GRIK1: variants seen among roughly 807,000 people sequenced by gnomAD.
GRIK1 encodes the protein glutamate receptor ionotropic, kainate 1.
GRIK1 carries 69 observed loss-of-function variants against 105.7 expected under a neutral mutation model. The ratio of observed to expected loss-of-function variants is 0.65; its 90% CI spans 0.54 to 0.80. The LOEUF is 0.80. Among genes scored for constraint, GRIK1 ranks in the 30% least tolerant of loss-of-function variants. The pLI, the probability that GRIK1 is intolerant of heterozygous loss-of-function variation, is 0.00. For missense variants in GRIK1, 1,109 were observed against 1,167.3 expected (o/e 0.95, Z 0.73); for synonymous variants, 438 against 431.3 (o/e 1.02, Z -0.19).
At chr21:29,777,091 A>G (rs940430123) in intron 1 of GRIK1, among the ~76,000 whole-genome samples, 2 of 152,158 alleles carry the variant, frequency 1.3e-5, no homozygotes, top group Non-Finnish European at 2.9e-5. Context: ...AGTAACAAGA[A>G]TCCAATTCTC....
At chr21:29,637,682 A>C (rs888028456) in intron 7 of GRIK1, among the ~76,000 whole-genome samples, 5 of 152,156 alleles carry the variant, frequency 3.3e-5, no homozygotes, top group African/African-American at 1.2e-4. Context: ...TTCTGCTAGC[A>C]CCTTGATAGT....
chr21:29,678,245 G>A (rs2063310132), intron 3 of GRIK1, among the ~76,000 whole-genome samples: 2 of 152,066 alleles, frequency 1.3e-5, no homozygotes, highest in Admixed American at 6.6e-5. Flanking sequence ...CCTCCAGAGC[G>A]GAGGAAAAAT....
intron 4 of GRIK1, among the ~76,000 whole-genome samples, chr21:29,665,120 C>G (rs1430655708): frequency 6.6e-6 from 1 of 152,106 alleles, no homozygotes; most frequent in Non-Finnish European, 1.5e-5. Flanking sequence ...TTCTCGCTTC[C>G]CAATTCAGGT....
chr21:29,537,519 A>G, intron 17 of GRIK1, 134 bp from the exon 18 acceptor site: 11 of 716,766 alleles, frequency 1.5e-5, no homozygotes, highest in Non-Finnish European at 2.6e-5. Context: ...GCCAGTTCCC[A>G]TCACCTCCTC....
intron 1 of GRIK1, among the ~76,000 whole-genome samples, chr21:29,850,824 GTAAC>G (rs1289605674): frequency 2.6e-5 from 4 of 152,108 alleles, no homozygotes; most frequent in South Asian, 2.1e-4. Context: ...CTACTACAAG[GTAAC>G]TAACAAGTAA....
chr21:29,618,176 G>C lies in GRIK1; in HGVS notation c.1099-19239C>G, dbSNP rs1601284654. Among the ~76,000 whole-genome samples the C allele has an allele frequency of 2.0e-5, 3 of 152,228 alleles. No individual in the cohort carries two copies. In the East Asian group the frequency reaches 5.8e-4, roughly 29 times the overall value. On this transcript the variant is annotated intron_variant, in intron 7 of 17. Transcript: ENST00000327783. ...CTTCCTAGGGTTCCCATAGTTTCCT[G>C]CAATTATCCCTATTAATGTACACAT...
At chr21:29,815,881 C>G (rs989799694) in intron 1 of GRIK1, among the ~76,000 whole-genome samples, 1 of 152,076 alleles carries the variant, frequency 6.6e-6, no homozygotes, top group African/African-American at 2.4e-5. Flanking sequence ...ATCCAGGACA[C>G]TGGTCTAGGC....
intron 1 of GRIK1, among the ~76,000 whole-genome samples, chr21:29,835,784 T>A (rs887897843): frequency 4.6e-5 from 7 of 152,182 alleles, no homozygotes; most frequent in African/African-American, 1.7e-4. Context: ...TAATGATTAT[T>A]TCCTCTATTT....
At chr21:29,631,612 G>T (rs2062273941) in intron 7 of GRIK1, among the ~76,000 whole-genome samples, 1 of 152,192 alleles carries the variant, frequency 6.6e-6, no homozygotes. Context: ...GCTGGAGGTG[G>T]CTGTTGAGCA....
In GRIK1 at chr21:29,899,017, C is replaced by T. The variant is rs1480406469; in HGVS notation, c.118+40366G>A. On this transcript the variant is annotated intron_variant, in intron 1 of 17. Transcript: ENST00000327783. Reference sequence around the variant, plus strand: ...AACATCTACTTATATAATCTAATGGCTTTTTTCATATTCTTATTGTAATAC... The same window carrying T: ...AACATCTACTTATATAATCTAATGGTTTTTTTCATATTCTTATTGTAATAC... Among the ~76,000 whole-genome samples, 3 of 152,038 alleles carry T rather than the reference C, an allele frequency of 2.0e-5. No individual in the cohort carries two copies. In the East Asian group the frequency reaches 5.8e-4, roughly 29 times the overall value.
In GRIK1 at chr21:29,598,949, A is replaced by G; in HGVS notation, c.1099-12T>C. 3.3e-6 allele frequency: 4 copies of G among 1,230,756 alleles called. No individual in the cohort carries two copies. In the South Asian group the frequency reaches 5.2e-5, roughly 16 times the overall value. The allele number at this position is 1,230,756 out of a possible 1,614,324, so 76.2% of individuals were successfully genotyped here. A position where few individuals can be genotyped will look rare whatever the true frequency, so the allele number is the denominator to read the frequency against. Reference sequence around the variant, plus strand: ...CCATCCCACCGGGCCTGTGGACAAGAAGAAATGTGGCTGTTATTGTTAAAC... The same window carrying G: ...CCATCCCACCGGGCCTGTGGACAAGGAGAAATGTGGCTGTTATTGTTAAAC... On this transcript the variant is annotated splice_polypyrimidine_tract_variant and intron_variant, in intron 7 of 17. Coordinates refer to ENST00000327783, the MANE Select transcript of GRIK1 (RefSeq NM_001330994.2).
intron 15 of GRIK1, among the ~76,000 whole-genome samples, chr21:29,560,347 C>CTTTCTTTT (rs2090383154): frequency 4.1e-5 from 4 of 97,922 alleles, no homozygotes; most frequent in East Asian, 2.7e-4. Context: ...TTCTTTCTTT[C>CTTTCTTTT]TTTCTTTCTT....
intron 1 of GRIK1, among the ~76,000 whole-genome samples, chr21:29,927,250 TTATC>T (rs1348461417): frequency 7.9e-5 from 12 of 151,820 alleles, no homozygotes; most frequent in Non-Finnish European, 1.2e-4. Context: ...AAATATGAAT[TTATC>T]TATGAATACA....
intron 1 of GRIK1, among the ~76,000 whole-genome samples, chr21:29,745,495 G>A (rs2065027973): frequency 6.6e-6 from 1 of 152,216 alleles, no homozygotes; most frequent in South Asian, 2.1e-4. Context: ...AGATAACTTA[G>A]CAATAGATTG....
intron 9 of GRIK1, among the ~76,000 whole-genome samples, chr21:29,592,193 C>T (rs2061343232): frequency 6.6e-6 from 1 of 152,170 alleles, no homozygotes; most frequent in Non-Finnish European, 1.5e-5. Flanking sequence ...TAGCAGGACT[C>T]TGTTCATATC....
At chr21:29,781,710 C>CAGGACTG (rs2066109437) in intron 1 of GRIK1, among the ~76,000 whole-genome samples, 1 of 78,338 alleles carries the variant, frequency 1.3e-5, no homozygotes, top group Non-Finnish European at 3.1e-5. Flanking sequence ...GTCGCCCAGG[C>CAGGACTG]CGGACTGCGG....
intron 1 of GRIK1, among the ~76,000 whole-genome samples, chr21:29,705,194 A>T: frequency 6.6e-6 from 1 of 152,268 alleles, no homozygotes; most frequent in Non-Finnish European, 1.5e-5. Context: ...GTTAAAGATT[A>T]GAACTGATGT....
intron 1 of GRIK1, among the ~76,000 whole-genome samples, chr21:29,738,119 T>C (rs974040666): frequency 9.2e-5 from 14 of 152,228 alleles, no homozygotes; most frequent in Non-Finnish European, 1.6e-4. Context: ...CAGAACTGAA[T>C]GGAAGTGCGT....
chr21:29,921,433 T>C (rs1442832884), intron 1 of GRIK1, among the ~76,000 whole-genome samples: 3 of 152,190 alleles, frequency 2.0e-5, no homozygotes, highest in African/African-American at 7.2e-5. Flanking sequence ...GTTTTACTCA[T>C]GGTTAAAAAA....
Sources: allele counts gnomAD v4.1 joint callset (sites outside exome capture counted in the v4.1 genomes callset), GRCh38; gene constraint gnomAD v4.1.1; transcripts MANE v1.5; gene names NCBI Gene and HGNC (gene_info 2026-07-23, HGNC 2026-07-21).